COL28A1: variants seen among roughly 807,000 people sequenced by gnomAD.
COL28A1 encodes collagen type XXVIII alpha 1 chain, also known as collagen alpha-1(XXVIII) chain.
Under a neutral mutation model 150.2 loss-of-function variants are expected in COL28A1, and 161 were observed. The ratio of observed to expected loss-of-function variants is 1.07; its 90% CI spans 0.94 to 1.22. The LOEUF is 1.22. Ranked by LOEUF, COL28A1 falls within the 50% of genes most tolerant of loss-of-function variation. COL28A1 has a pLI of 0.00. For missense variants in COL28A1, 1,617 were observed against 1,388.3 expected, an observed-to-expected ratio of 1.16 and a Z score of -2.62; for synonymous variants, 552 against 469.7, an observed-to-expected ratio of 1.18 and a Z score of -2.26.
intron 25 of COL28A1, 87 bp downstream of exon 25, chr7:7,432,386 G>T: frequency 1.0e-6 from 1 of 1,003,288 alleles, no homozygotes; most frequent in Non-Finnish European, 1.5e-6. Context: ...TACTCTTCTA[G>T]CTGATAAAAA....
intron 15 of COL28A1, among the ~76,000 whole-genome samples, chr7:7,464,886 C>T (rs1206368113): frequency 6.6e-6 from 1 of 151,990 alleles, no homozygotes; most frequent in Non-Finnish European, 1.5e-5. Context: ...AATTGATAGA[C>T]CATCAGCAAG....
chr7:7,417,530 GAGGGAGGGA>G (rs1562590615), intron 27 of COL28A1: 140 of 114,966 alleles, frequency 1.2e-3, no homozygotes, highest in African/African-American at 3.2e-3. Context: ...AGGGGGGAGG[GAGGGAGGGA>G]GGGGGGGGGG....
At chr7:7,503,180 T>C (rs1204957319) in intron 11 of COL28A1, among the ~76,000 whole-genome samples, 1 of 152,192 alleles carries the variant, frequency 6.6e-6, no homozygotes, top group Non-Finnish European at 1.5e-5. Context: ...ATAAATATAA[T>C]ATGGTAGCTA....
intron 16 of COL28A1, among the ~76,000 whole-genome samples, chr7:7,454,157 G>C (rs970656658): frequency 1.3e-5 from 2 of 152,158 alleles, no homozygotes; most frequent in African/African-American, 4.8e-5. Flanking sequence ...GATCTGAGTT[G>C]ATCAAGCCTC....
At chr7:7,370,134 G>A (rs915475303) in intron 33 of COL28A1, among the ~76,000 whole-genome samples, 2 of 152,210 alleles carry the variant, frequency 1.3e-5, no homozygotes, top group African/African-American at 2.4e-5. Context: ...GATTCAGGAG[G>A]TGGTTCTTCA....
chr7:7,367,111 T>C (rs935665152), intron 33 of COL28A1, among the ~76,000 whole-genome samples: 2 of 152,208 alleles, frequency 1.3e-5, no homozygotes, highest in Non-Finnish European at 2.9e-5. Context: ...CTTATATATA[T>C]AGATACTTAC....
chr7:7,384,046 T>C (rs1782044664), intron 27 of COL28A1, among the ~76,000 whole-genome samples: 1 of 152,176 alleles, frequency 6.6e-6, no homozygotes, highest in Non-Finnish European at 1.5e-5. Context: ...AGGTTCTTTT[T>C]ATTCTCTTAC....
intron 5 of COL28A1, 93 bp downstream of exon 5, chr7:7,521,812 A>G (rs1427953868): frequency 5.2e-6 from 4 of 776,456 alleles, no homozygotes; most frequent in Admixed American, 1.8e-5. Flanking sequence ...ATTGCTTTTC[A>G]GCAGTGCAAA....
chr7:7,456,461 T>C (rs1787178937), intron 15 of COL28A1, among the ~76,000 whole-genome samples: 1 of 152,160 alleles, frequency 6.6e-6, no homozygotes, highest in Non-Finnish European at 1.5e-5. Context: ...TCATAGGATA[T>C]AATAAAAATA....
intron 27 of COL28A1, among the ~76,000 whole-genome samples, chr7:7,405,311 A>G (rs1006174895): frequency 6.6e-6 from 1 of 152,212 alleles, no homozygotes; most frequent in Non-Finnish European, 1.5e-5. Context: ...AAAATATAGC[A>G]AATATGATTG....
At chr7:7,385,527 G>A (rs373970010) in intron 27 of COL28A1, among the ~76,000 whole-genome samples, 1 of 152,214 alleles carries the variant, frequency 6.6e-6, no homozygotes. Context: ...CAATTACTCA[G>A]AATAATTATT....
upstream of COL28A1, among the ~76,000 whole-genome samples, chr7:7,537,619 A>C (rs1330990385): frequency 1.3e-5 from 2 of 152,182 alleles, no homozygotes; most frequent in Admixed American, 1.3e-4. Flanking sequence ...CCTCACTTAT[A>C]ACAACTACTG....
At chr7:7,381,392 G>T in intron 28 of COL28A1, 152 bp downstream of exon 28, 1 of 619,830 alleles carries the variant, frequency 1.6e-6, no homozygotes, top group Non-Finnish European at 2.9e-6. Context: ...GGTAGACAAA[G>T]CAATGCACGA....
chr7:7,371,300 G>A (rs950983282), intron 32 of COL28A1, among the ~76,000 whole-genome samples: 9 of 152,210 alleles, frequency 5.9e-5, no homozygotes, highest in African/African-American at 2.2e-4. Context: ...TAAAATATAA[G>A]TTGGCTCTGA....
intron 16 of COL28A1, among the ~76,000 whole-genome samples, chr7:7,455,489 A>C (rs1787074585): frequency 6.6e-6 from 1 of 152,210 alleles, no homozygotes; most frequent in Non-Finnish European, 1.5e-5. Context: ...CTTCTCACCA[A>C]GAGGGGCCAG....
At chr7:7,375,566 A>T (rs1230769622) in intron 30 of COL28A1, 69 bp from the exon 31 acceptor site, 12 of 1,016,880 alleles carry the variant, frequency 1.2e-5, no homozygotes, top group African/African-American at 3.2e-5. Flanking sequence ...GCCATAAAAG[A>T]TATCTCATTA....
At chr7:7,494,909 T>C (rs1020877270) in intron 11 of COL28A1, among the ~76,000 whole-genome samples, 1 of 152,078 alleles carries the variant, frequency 6.6e-6, no homozygotes, top group South Asian at 2.1e-4. Flanking sequence ...GCTAATCTGA[T>C]GGAAAAGAAA....
intron 15 of COL28A1, among the ~76,000 whole-genome samples, chr7:7,473,200 T>C (rs1480657125): frequency 6.6e-6 from 1 of 152,040 alleles, no homozygotes. Context: ...ACTAAAAAGC[T>C]TTTTCACAGC....
chr7:7,436,298 G>A (rs1242164109), intron 23 of COL28A1, 97 bp downstream of exon 23: 2 of 790,008 alleles, frequency 2.5e-6, no homozygotes, highest in East Asian at 5.0e-5. Flanking sequence ...GTTAATCAAT[G>A]TAGAAACCTC....
Sources: allele counts gnomAD v4.1 joint callset (sites outside exome capture counted in the v4.1 genomes callset), GRCh38; gene constraint gnomAD v4.1.1; transcripts MANE v1.5; gene names NCBI Gene and HGNC (gene_info 2026-07-23, HGNC 2026-07-21).